Variants in PICK1 observed in about 807,000 individuals in gnomAD.
PICK1 encodes PRKCA-binding protein.
PICK1 carries 23 observed loss-of-function variants against 48.9 expected under a neutral mutation model. The ratio of observed to expected loss-of-function variants is 0.47; its 90% CI spans 0.34 to 0.67. The LOEUF is 0.67. Among genes scored for constraint, PICK1 ranks in the 30% least tolerant of loss-of-function variants. PICK1 has a pLI of 0.01. For synonymous variants in PICK1, 217 were observed against 228.2 expected (o/e 0.95, Z 0.44); for missense variants, 423 against 557.1 (o/e 0.76, Z 2.42).
At chr22:38,057,874 T>C (rs1375300656) in intron 2 of PICK1, 24 bp downstream of exon 2, 1 of 1,597,480 alleles carries the variant, frequency 6.3e-7, no homozygotes, top group South Asian at 1.1e-5. Flanking sequence ...TCCCCCAAGT[T>C]CCAGCAGTAT....
At position 38,075,340 on chromosome 22, in the gene PICK1, TCCA is replaced by T. The variant is rs1188238685; in HGVS notation, c.*211_*213del. On this transcript the variant is annotated 3_prime_UTR_variant, in exon 13 of 13. Transcript: ENST00000356976. ...GGCCTGGGACCTGGACACTGGCCCCTCCACCCTCCCTCCCCTCCCGGCTCCCCG... is the reference window on the plus strand; with the variant it reads ...GGCCTGGGACCTGGACACTGGCCCCTCCCTCCCTCCCCTCCCGGCTCCCCG... The T allele has an allele frequency of 1.8e-5, 10 of 563,702 alleles. No individual in the cohort carries two copies. In the African/African-American group the frequency reaches 1.9e-4, roughly 11 times the overall value. 34.9% of individuals were successfully genotyped at this position (563,702 alleles called of 1,614,324 possible).
At chr22:38,060,049 T>TA (rs1274711738) in intron 3 of PICK1, among the ~76,000 whole-genome samples, 3 of 152,106 alleles carry the variant, frequency 2.0e-5, no homozygotes, top group Non-Finnish European at 4.4e-5. Flanking sequence ...CCGTCTCTAC[T>TA]AAAATACAAA....
At chr22:38,070,040 C>T (rs553993546) in intron 6 of PICK1, among the ~76,000 whole-genome samples, 1 of 152,354 alleles carries the variant, frequency 6.6e-6, no homozygotes, top group South Asian at 2.1e-4. Context: ...GGCCTGGAGG[C>T]CACCGGGTGG....
chr22:38,062,663 C>A (rs2085432459), intron 3 of PICK1, among the ~76,000 whole-genome samples: 1 of 144,354 alleles, frequency 6.9e-6, no homozygotes, highest in African/African-American at 2.5e-5. Context: ...TGGTTTACTC[C>A]CTGATCTCCC....
At position 38,059,425 on chromosome 22, in the gene PICK1, A is replaced by G. The variant is rs2085346655; in HGVS notation, c.153+80A>G. ...AGGCAGGTTCATTTCTCCACACTGCATAGCTGACTCCTTCTCATTCTTGAG... is the reference window on the plus strand; with the variant it reads ...AGGCAGGTTCATTTCTCCACACTGCGTAGCTGACTCCTTCTCATTCTTGAG... On this transcript the variant is annotated intron_variant, in intron 3 of 12. Coordinates refer to ENST00000356976, the MANE Select transcript of PICK1 (RefSeq NM_012407.4). The G allele has an allele frequency of 3.2e-6, 3 of 939,646 alleles. No homozygotes were observed. The African/African-American group carries it at 4.9e-5, about 15-fold the overall frequency. 58.2% of individuals were successfully genotyped at this position (939,646 alleles called of 1,614,324 possible). A position where few individuals can be genotyped will look rare whatever the true frequency, so the allele number is the denominator to read the frequency against.
Position 38,073,636 on chromosome 22 carries a change from G to A in PICK1, c.784-137G>A. ...AAGCCTCAGGCCCTGTCATCCCTCA[G>A]CACCTGCCGCTGCCCGCTCTGGGAC... On this transcript the variant is annotated intron_variant, in intron 10 of 12. Transcript: ENST00000356976. The surrounding 1 kb of genome is among the most constrained non-coding windows in gnomAD (Gnocchi z 5.7). The A allele has an allele frequency of 1.2e-6, 1 of 812,974 alleles. No homozygotes were observed. The highest frequency in any genetic ancestry group is 2.2e-6 in the Non-Finnish European group (1 of 463,722). The allele number at this position is 812,974 out of a possible 1,614,324, so 50.4% of individuals were successfully genotyped here. A position where few individuals can be genotyped will look rare whatever the true frequency, so the allele number is the denominator to read the frequency against.
At chr22:38,062,665 T>C (rs2085432522) in intron 3 of PICK1, among the ~76,000 whole-genome samples, 1 of 142,416 alleles carries the variant, frequency 7.0e-6, no homozygotes, top group Non-Finnish European at 1.6e-5. Flanking sequence ...GTTTACTCCC[T>C]GATCTCCCGT....
chr22:38,061,377 T>C (rs916983027), intron 3 of PICK1, among the ~76,000 whole-genome samples: 7 of 152,034 alleles, frequency 4.6e-5, no homozygotes, highest in African/African-American at 1.7e-4. Context: ...TAGAATTGAT[T>C]TTTTTAAATT....
chr22:38,067,840 G>A, intron 5 of PICK1, 70 bp downstream of exon 5: 1 of 1,238,482 alleles, frequency 8.1e-7, no homozygotes. Flanking sequence ...AAGGAGAAGT[G>A]CCACAGCCAG....
At chr22:38,058,868 G>C (rs796183619) in intron 2 of PICK1, among the ~76,000 whole-genome samples, 2 of 152,170 alleles carry the variant, frequency 1.3e-5, no homozygotes, top group African/African-American at 2.4e-5. Context: ...TCAGCCAGGC[G>C]TGGTGGCAGG....
At position 38,073,917 on chromosome 22, in the gene PICK1, G is replaced by A; in HGVS notation, c.834+94G>A. On this transcript the variant is annotated intron_variant, in intron 11 of 12. Transcript: ENST00000356976. This position sits in a 1 kb window ranked among gnomAD's most constrained non-coding sequence, Gnocchi z 5.7. The stretch of plus-strand genomic sequence containing the variant: ...CAGGCCAACCCGGGAGAGACCGGGG[G>A]GACTTGGCTGGACTCTCGTTCCTGG... The A allele has an allele frequency of 8.4e-7, 1 of 1,184,080 alleles. No homozygotes were observed. Among genetic ancestry groups the A allele is most frequent in the Non-Finnish European group, 1.3e-6 (1 of 792,372 alleles). The allele number at this position is 1,184,080 out of a possible 1,614,324, so 73.3% of individuals were successfully genotyped here. A position where few individuals can be genotyped will look rare whatever the true frequency, so the allele number is the denominator to read the frequency against.
In PICK1 at chr22:38,075,543, A is replaced by T. The variant is rs1037548577; in HGVS notation, c.*411A>T. On this transcript the variant is annotated 3_prime_UTR_variant, in exon 13 of 13. Coordinates refer to ENST00000356976, the MANE Select transcript of PICK1 (RefSeq NM_012407.4). ...CCGTGGACAGCTGAGGTTGGGGTCA[A>T]TGCCTCCTGGGCACCCTTGCCTCGC... 5.2e-6 allele frequency: 1 copy of T among 192,712 alleles called. No homozygotes were observed. Among genetic ancestry groups the T allele is most frequent in the African/African-American group, 2.3e-5 (1 of 43,074 alleles). 11.9% of individuals were successfully genotyped at this position (192,712 alleles called of 1,614,324 possible).
rs564653535 is a variant in PICK1, at chr22:38,074,782, G to C, written c.980-82G>C. The C allele has an allele frequency of 9.6e-6, 15 of 1,556,518 alleles. No individual in the cohort carries two copies. The highest frequency in any genetic ancestry group is 1.3e-5 in the African/African-American group (1 of 74,132). On this transcript the variant is annotated intron_variant, in intron 12 of 12. Coordinates refer to ENST00000356976, the MANE Select transcript of PICK1 (RefSeq NM_012407.4). The surrounding 1 kb of genome is among the most constrained non-coding windows in gnomAD (Gnocchi z 4.5). The stretch of plus-strand genomic sequence containing the variant: ...GGAAGCCCAGGGGAGGCGAGAGGTG[G>C]GCCGGGTGGGCTGGGAGAGTCTCCT...
In PICK1 at chr22:38,064,917, A is replaced by G. The variant is rs180942445; in HGVS notation, c.154-85A>G. ...GAGAGCAGAGGGTAGAGTGGAAGAC[A>G]GAGCCAGGCAGTGGTCAGGTGTCTT... On this transcript the variant is annotated intron_variant, in intron 3 of 12. Transcript: ENST00000356976. 19 of 1,508,328 alleles carry G rather than the reference A, an allele frequency of 1.3e-5. No individual in the cohort carries two copies. The Admixed American group carries it at 3.0e-4, about 24-fold the overall frequency. The allele number at this position is 1,508,328 out of a possible 1,614,324, so 93.4% of individuals were successfully genotyped here.
intron 5 of PICK1, 125 bp downstream of exon 5, chr22:38,067,895 T>A: frequency 1.2e-6 from 1 of 823,224 alleles, no homozygotes; most frequent in Admixed American, 2.0e-5. Flanking sequence ...GTTACATGGC[T>A]GTGGGCTCTG....
At chr22:38,064,658 G>C (rs1330089350) in intron 3 of PICK1, among the ~76,000 whole-genome samples, 1 of 152,178 alleles carries the variant, frequency 6.6e-6, no homozygotes, top group African/African-American at 2.4e-5. Flanking sequence ...CTACTCGGGA[G>C]GCTGAGGCAG....
At chr22:38,072,946 C>T in intron 9 of PICK1, 54 bp from the exon 10 acceptor site, 3 of 1,194,692 alleles carry the variant, frequency 2.5e-6, no homozygotes, top group Non-Finnish European at 3.8e-6. Flanking sequence ...CATTCATTGT[C>T]ACCCTGGCAC....
At position 38,066,711 on chromosome 22, in the gene PICK1, T is replaced by C. The variant is rs1389128189; in HGVS notation, c.283-993T>C. On this transcript the variant is annotated intron_variant, in intron 4 of 12. Coordinates refer to ENST00000356976, the MANE Select transcript of PICK1 (RefSeq NM_012407.4). This position sits in a 1 kb window ranked among gnomAD's most constrained non-coding sequence, Gnocchi z 4.1. Reference sequence around the variant, plus strand: ...CACCCCACCTCTGACTCTGATTGCATCTGCTCATTTTGGTTTCCCTTTGGG... The same window carrying C: ...CACCCCACCTCTGACTCTGATTGCACCTGCTCATTTTGGTTTCCCTTTGGG... Among the ~76,000 whole-genome samples, 1 of 152,238 alleles carries C rather than the reference T, an allele frequency of 6.6e-6. No individual in the cohort carries two copies. Among genetic ancestry groups the C allele is most frequent in the African/African-American group, 2.4e-5 (1 of 41,464 alleles).
At chr22:38,072,104 G>T in intron 8 of PICK1, 1 of 488,984 alleles carries the variant, frequency 2.0e-6, no homozygotes, top group Non-Finnish European at 3.7e-6. Flanking sequence ...CTGCTCCCAA[G>T]TGGTGGAGCT....
Sources: gnomAD v4.1 joint callset for allele counts (sites outside exome capture counted in the v4.1 genomes callset) on GRCh38, gnomAD v4.1.1 for gene constraint, Gnocchi (gnomAD v3.1) non-coding constraint, MANE v1.5 for transcripts, NCBI Gene and HGNC (gene_info 2026-07-23, HGNC 2026-07-21) for gene names.